Variants in CACNA1H observed in about 807,000 individuals in gnomAD.
The protein encoded by CACNA1H is calcium voltage-gated channel subunit alpha1 H.
A neutral mutation model predicts 192.5 loss-of-function variants in CACNA1H; 149 were observed. That is an observed-to-expected ratio of 0.77 (90% CI 0.68 to 0.89). The LOEUF is 0.89. Among genes scored for constraint, CACNA1H ranks in the 40% least tolerant of loss-of-function variants. The pLI, the probability that CACNA1H is intolerant of heterozygous loss-of-function variation, is 0.00. For synonymous variants in CACNA1H, 2,202 were observed against 1,475.2 expected (o/e 1.49, Z -11.29); for missense variants, 4,257 against 3,423.5 (o/e 1.24, Z -6.08).
At position 1,211,534 on chromosome 16, in the gene CACNA1H, C is replaced by T. The variant is rs944047620; in HGVS notation, c.4404C>T (p.Ser1468=). Residue 1468 remains serine, a synonymous_variant, in exon 23 of 35, where the codon TCC becomes TCT. Coordinates refer to ENST00000348261, the MANE Select transcript of CACNA1H (RefSeq NM_021098.3). ...AGGGCCCCGACACCAGGAACATCTC[C>T]ACCAAGGCACAGTGCCGGGCCGCCC... ...YCEGPDTRNI[S]TKAQCRAAHY... 30 of 1,612,296 alleles carry T rather than the reference C, an allele frequency of 1.9e-5. No individual in the cohort carries two copies. The highest frequency in any genetic ancestry group is 2.2e-5 in the East Asian group (1 of 44,860).
intron 8 of CACNA1H, 92 bp from the exon 9 acceptor site, chr16:1,201,571 C>T (rs1311679989): frequency 7.8e-6 from 11 of 1,417,968 alleles, no homozygotes; most frequent in Non-Finnish European, 1.0e-5. Flanking sequence ...TGTGACGCGG[C>T]CCCCACTCGA....
In CACNA1H at chr16:1,221,168, T is replaced by C. The variant is rs1970455317; in HGVS notation, c.*174T>C. ...CTCTGCCCAGCGAAGCAGGAGTAGC[T>C]GCCGGGCCCCACGAGCCTCCGTCCG... On this transcript the variant is annotated 3_prime_UTR_variant, in exon 35 of 35. Transcript: ENST00000348261. 1.1e-5 allele frequency: 6 copies of C among 554,236 alleles called. No homozygotes were observed. Among genetic ancestry groups the C allele is most frequent in the Admixed American group, 3.3e-5 (1 of 30,178 alleles). The allele number at this position is 554,236 out of a possible 1,614,324, so 34.3% of individuals were successfully genotyped here.
chr16:1,210,333 G>GCCCCCCCCCCCCCCC, intron 18 of CACNA1H, 37 bp from the exon 19 acceptor site: 1 of 1,320,232 alleles, frequency 7.6e-7, no homozygotes, highest in Non-Finnish European at 1.0e-6. Context: ...CATCCACGCC[G>GCCCCCCCCCCCCCCC]CCCCGCCCCA....
chr16:1,212,080 G>A lies in CACNA1H; in HGVS notation c.4701G>A (p.Ala1567=), dbSNP rs375199752. 33 of 1,612,520 alleles carry A rather than the reference G, an allele frequency of 2.0e-5. No homozygotes were observed. The highest frequency in any genetic ancestry group is 1.7e-4 in the Middle Eastern group (1 of 5,878). Residue 1567 remains alanine (A), a synonymous_variant, in exon 25 of 35, where the codon GCG becomes GCA. Transcript: ENST00000348261. ...NFHKCRQHQE[A]EEARRREEKR... Reference sequence around the variant, plus strand: ...ACAAGTGCCGGCAGCACCAGGAGGCGGAGGAGGCGCGGCGGCGAGAGGAGA... The same window carrying A: ...ACAAGTGCCGGCAGCACCAGGAGGCAGAGGAGGCGCGGCGGCGAGAGGAGA...
At chr16:1,190,602 G>T (rs887712418) in intron 2 of CACNA1H, among the ~76,000 whole-genome samples, 1 of 152,218 alleles carries the variant, frequency 6.6e-6, no homozygotes, top group African/African-American at 2.4e-5. Context: ...TGGGAGGCGC[G>T]CAATACGCCT....
intron 2 of CACNA1H, among the ~76,000 whole-genome samples, chr16:1,169,214 C>T (rs145761369): frequency 0.027 from 4,018 of 149,704 alleles, 128 homozygotes; most frequent in African/African-American, 0.081. Flanking sequence ...TAGCCTGGAA[C>T]GTGGACGTGG....
intron 2 of CACNA1H, among the ~76,000 whole-genome samples, chr16:1,191,728 T>A (rs1489955865): frequency 1.1e-5 from 1 of 93,154 alleles, no homozygotes. Flanking sequence ...CCCAGTAGGC[T>A]GGCCTGGCTG....
In CACNA1H at chr16:1,200,239, G is replaced by A. The variant is rs1412000098; in HGVS notation, c.804-17G>A. 2.5e-6 allele frequency: 4 copies of A among 1,581,562 alleles called. No homozygotes were observed. Among genetic ancestry groups the A allele is most frequent in the Non-Finnish European group, 3.4e-6 (4 of 1,162,842 alleles). On this transcript the variant is annotated splice_polypyrimidine_tract_variant and intron_variant, in intron 6 of 34. Transcript: ENST00000348261. ...ACCCTGATTGTACCTTTTGGCCCTGGCTGTGCCCATCCCCAGGAACAACAA... is the reference window on the plus strand; with the variant it reads ...ACCCTGATTGTACCTTTTGGCCCTGACTGTGCCCATCCCCAGGAACAACAA...
intron 1 of CACNA1H, 108 bp from the exon 2 acceptor site, chr16:1,153,612 A>G (rs2151602109): frequency 1.5e-6 from 1 of 646,380 alleles, no homozygotes; most frequent in Non-Finnish European, 2.1e-6. Flanking sequence ...CTCTAATAAG[A>G]AAAGACAAAG....
chr16:1,204,595 G>A (rs1344866144), intron 10 of CACNA1H, 137 bp downstream of exon 10: 4 of 672,052 alleles, frequency 6.0e-6, no homozygotes, highest in Non-Finnish European at 9.8e-6. Flanking sequence ...GCCGGGGATG[G>A]TGAGGATAGG....
intron 2 of CACNA1H, among the ~76,000 whole-genome samples, chr16:1,176,958 G>A (rs1009824714): frequency 1.4e-4 from 21 of 152,242 alleles, no homozygotes; most frequent in African/African-American, 4.6e-4. Flanking sequence ...TTTGGCTTAG[G>A]TGGGGGCAGA....
At chr16:1,218,685 G>A in intron 33 of CACNA1H, 34 bp downstream of exon 33, 1 of 1,500,700 alleles carries the variant, frequency 6.7e-7, no homozygotes, top group Non-Finnish European at 9.0e-7. Context: ...TGGGCTGGGT[G>A]GGAAGCAGGA....
rs371952675 is a variant in CACNA1H at position 1,211,157 on chromosome 16, C to T, written c.4224-11C>T. ...ATAGATGACTGCAGTGTATCCTTCA[C>T]TCCCCTCCAGGGTCATCAGCCGGGC... On this transcript the variant is annotated splice_polypyrimidine_tract_variant and intron_variant, in intron 21 of 34. Transcript: ENST00000348261. 4.2e-5 allele frequency: 68 copies of T among 1,611,954 alleles called. No homozygotes were observed. Among genetic ancestry groups the T allele is most frequent in the Admixed American group, 2.2e-4 (13 of 59,974 alleles).
chr16:1,179,400 G>A (rs1965238259), intron 2 of CACNA1H, among the ~76,000 whole-genome samples: 1 of 152,186 alleles, frequency 6.6e-6, no homozygotes, highest in East Asian at 1.9e-4. Context: ...GGTTGGGGAG[G>A]TGGGAGAGCC....
At chr16:1,165,560 T>G (rs1190409478) in intron 2 of CACNA1H, among the ~76,000 whole-genome samples, 1 of 152,012 alleles carries the variant, frequency 6.6e-6, no homozygotes, top group Non-Finnish European at 1.5e-5. Context: ...TGGCCTCCGG[T>G]GCATCTGGGC....
Position 1,220,546 on chromosome 16 carries a change from G to T in CACNA1H, c.6614G>T (p.Arg2205Leu), listed in dbSNP as rs967347672. Residue 2205 changes from arginine to leucine, a missense_variant, in exon 35 of 35, where the codon CGG (arginine) becomes CTG (leucine). Physicochemically the swap from Arg to Leu is moderately radical, Grantham distance 102 (BLOSUM62 -2). Transcript: ENST00000348261. ...EPPAEDEGSA[R>L]PSAAEGGSTT... The stretch of plus-strand genomic sequence containing the variant: ...CCTGCGGAGGACGAGGGCTCTGCGC[G>T]GCCCTCCGCGGCAGAGGGCGGCAGC... The T allele has an allele frequency of 9.1e-6, 14 of 1,530,948 alleles. No homozygotes were observed. Among genetic ancestry groups the T allele is most frequent in the Non-Finnish European group, 1.1e-5 (13 of 1,145,884 alleles). The allele number at this position is 1,530,948 out of a possible 1,614,324, so 94.8% of individuals were successfully genotyped here.
In CACNA1H at chr16:1,204,312, C is replaced by T. The variant is rs769212952; in HGVS notation, c.2305C>T (p.Pro769Ser). 1.2e-6 allele frequency: 2 copies of T among 1,600,032 alleles called. No homozygotes were observed. Among genetic ancestry groups the T allele is most frequent in the South Asian group, 1.1e-5 (1 of 90,052 alleles). Residue 769 changes from proline to serine, a missense_variant, in exon 10 of 35, where the codon CCG becomes TCG. By Grantham distance (74) the Pro-to-Ser change is moderately conservative. Coordinates refer to ENST00000348261, the MANE Select transcript of CACNA1H (RefSeq NM_021098.3). ...GCGGCGGGCACAGCAGAGGGCAGCC[C>T]CGGGCGAGCCAGGCTGGATGGGCCG... ...PQRRAQQRAA[P>S]GEPGWMGRLW... is the part of the protein sequence containing the mutation.
chr16:1,216,476 G>GC lies in CACNA1H; in HGVS notation c.5245-453dup, dbSNP rs1970035978. The stretch of plus-strand genomic sequence containing the variant: ...AGAGCCGTGGCAGGGGAGGGGTGAG[G>GC]CCCAGGCCCACCTGCCGGGACCCCT... On this transcript the variant is annotated intron_variant, in intron 30 of 34. Coordinates refer to ENST00000348261, the MANE Select transcript of CACNA1H (RefSeq NM_021098.3). Among the ~76,000 whole-genome samples, 4 of 152,338 alleles carry GC rather than the reference G, an allele frequency of 2.6e-5. No homozygotes were observed. The South Asian group carries it at 6.2e-4, about 24-fold the overall frequency.
intron 2 of CACNA1H, among the ~76,000 whole-genome samples, chr16:1,168,628 C>T (rs868078319): frequency 6.6e-6 from 1 of 151,988 alleles, no homozygotes; most frequent in Non-Finnish European, 1.5e-5. Context: ...CAGTGTCCCC[C>T]GAGCCCCTCA....
Sources: gnomAD v4.1 joint callset for allele counts (sites outside exome capture counted in the v4.1 genomes callset) on GRCh38, gnomAD v4.1.1 for gene constraint, MANE v1.5 for transcripts, NCBI Gene and HGNC (gene_info 2026-07-23, HGNC 2026-07-21) for gene names.